Variants in SMG6 observed in about 807,000 individuals in gnomAD.
The protein encoded by SMG6 is SMG6 nonsense mediated mRNA decay factor, also known as telomerase-binding protein EST1A.
In SMG6, 66 loss-of-function variants were observed where a neutral mutation model predicts 142.2. The ratio of observed to expected loss-of-function variants is 0.46; its 90% CI spans 0.38 to 0.57. The LOEUF (loss-of-function observed/expected upper bound fraction) is 0.57. SMG6 is among the 20% of genes least tolerant of loss of function. SMG6 has a pLI of 0.00. For missense variants in SMG6, 1,793 were observed against 1,832.0 expected (o/e 0.98, Z 0.39); for synonymous variants, 779 against 702.4 (o/e 1.11, Z -1.72).
intron 18 of SMG6, 121 bp from the exon 19 acceptor site, chr17:2,061,743 C>T: frequency 8.7e-7 from 1 of 1,155,770 alleles, no homozygotes; most frequent in South Asian, 1.5e-5. Context: ...TGTCTTGGCT[C>T]TTCTACCAGT....
At chr17:2,278,967 A>T (rs1376174261) in intron 8 of SMG6, among the ~76,000 whole-genome samples, 1 of 152,148 alleles carries the variant, frequency 6.6e-6, no homozygotes, top group African/African-American at 2.4e-5. Context: ...AGAATCTTCC[A>T]TATGCAGACA....
chr17:2,089,223 A>T (rs577219971), intron 13 of SMG6, among the ~76,000 whole-genome samples: 1 of 152,292 alleles, frequency 6.6e-6, no homozygotes, highest in East Asian at 1.9e-4. Context: ...TGGCATGTAT[A>T]TCGCAGCTCT....
chr17:2,303,752 CCG>C lies in SMG6; in HGVS notation c.-34_-33del. 6.8e-7 allele frequency: 1 copy of C among 1,474,144 alleles called. No homozygotes were observed. The highest frequency in any genetic ancestry group is 9.0e-7 in the Non-Finnish European group (1 of 1,115,590). 91.3% of individuals were successfully genotyped at this position (1,474,144 alleles called of 1,614,324 possible). A position where few individuals can be genotyped will look rare whatever the true frequency, so the allele number is the denominator to read the frequency against. ...GGCTGCTGCTACAGCCGTAGCGGCT[CCG>C]CCACCGCCGCGCGCAGCCAGGAAAC... On this transcript the variant is annotated 5_prime_UTR_variant, in exon 1 of 19. Transcript: ENST00000263073.
chr17:2,192,803 T>C (rs1306687754), intron 10 of SMG6, among the ~76,000 whole-genome samples: 1 of 152,080 alleles, frequency 6.6e-6, no homozygotes, highest in African/African-American at 2.4e-5. Context: ...AGCCACAGAG[T>C]TCCCCGTGGC....
At chr17:2,106,151 A>T (rs2069149558) in intron 13 of SMG6, among the ~76,000 whole-genome samples, 1 of 152,168 alleles carries the variant, frequency 6.6e-6, no homozygotes, top group Non-Finnish European at 1.5e-5. Flanking sequence ...GGAGATACTG[A>T]TTTCTGATTG....
intron 13 of SMG6, among the ~76,000 whole-genome samples, chr17:2,140,956 T>A (rs1314400048): frequency 2.6e-5 from 4 of 152,160 alleles, no homozygotes; most frequent in African/African-American, 7.2e-5. Context: ...AAGGCTGAGG[T>A]AGGGCCTAAA....
chr17:2,112,226 C>T (rs898866714), intron 13 of SMG6, among the ~76,000 whole-genome samples: 8 of 151,782 alleles, frequency 5.3e-5, no homozygotes, highest in Non-Finnish European at 7.4e-5. Flanking sequence ...AAAAGTCGGC[C>T]GGGCGCGGTG....
At chr17:2,166,315 G>A (rs1454194149) in intron 13 of SMG6, among the ~76,000 whole-genome samples, 3 of 152,038 alleles carry the variant, frequency 2.0e-5, no homozygotes, top group South Asian at 2.1e-4. Flanking sequence ...GCATCAAATC[G>A]TAGAAACTAG....
chr17:2,259,920 G>A (rs1331587645), intron 8 of SMG6, among the ~76,000 whole-genome samples: 1 of 152,062 alleles, frequency 6.6e-6, no homozygotes, highest in Non-Finnish European at 1.5e-5. Context: ...ACTCTGCTGT[G>A]GTTATTTGCC....
intron 13 of SMG6, among the ~76,000 whole-genome samples, chr17:2,148,412 C>T (rs182053714): frequency 9.8e-5 from 15 of 152,300 alleles, no homozygotes; most frequent in Non-Finnish European, 1.9e-4. Flanking sequence ...ATGCATACAA[C>T]AGAATATTAT....
At chr17:2,298,148 C>T in intron 2 of SMG6, 93 bp from the exon 3 acceptor site, 1 of 1,182,678 alleles carries the variant, frequency 8.5e-7, no homozygotes. Context: ...ACCACCTCCC[C>T]TGGCAGGAAA....
intron 13 of SMG6, among the ~76,000 whole-genome samples, chr17:2,112,339 C>G (rs1037655845): frequency 2.0e-5 from 3 of 151,206 alleles, no homozygotes; most frequent in Non-Finnish European, 2.9e-5. Context: ...CCCGTCTCTA[C>G]TAAAAATACA....
At chr17:2,249,773 T>G (rs914617159) in intron 8 of SMG6, among the ~76,000 whole-genome samples, 3 of 152,206 alleles carry the variant, frequency 2.0e-5, no homozygotes, top group African/African-American at 7.2e-5. Flanking sequence ...CTTGGGTGTA[T>G]CCCTGAGAGG....
intron 6 of SMG6, among the ~76,000 whole-genome samples, chr17:2,286,949 T>TG (rs2074918890): frequency 1.0e-5 from 1 of 97,294 alleles, no homozygotes; most frequent in Admixed American, 1.0e-4. Context: ...TTTTTTTTTT[T>TG]GAGACAGAGT....
At chr17:2,204,833 C>T (rs141741872) in intron 10 of SMG6, among the ~76,000 whole-genome samples, 3 of 152,146 alleles carry the variant, frequency 2.0e-5, no homozygotes, top group East Asian at 3.9e-4. Context: ...CGTAGTGGCA[C>T]GTGCCTATAA....
intron 10 of SMG6, among the ~76,000 whole-genome samples, chr17:2,215,214 C>CAA: frequency 6.6e-6 from 1 of 151,484 alleles, no homozygotes; most frequent in South Asian, 2.1e-4. Context: ...ACATTATAAA[C>CAA]ACACACACAC....
chr17:2,105,178 C>T (rs1362266941), intron 13 of SMG6, among the ~76,000 whole-genome samples: 2 of 150,644 alleles, frequency 1.3e-5, no homozygotes, highest in Non-Finnish European at 3.0e-5. Context: ...CCTCCCGCCT[C>T]GACCTCCCAA....
chr17:2,211,618 C>T (rs1048127704), intron 10 of SMG6, among the ~76,000 whole-genome samples: 16 of 146,398 alleles, frequency 1.1e-4, no homozygotes, highest in African/African-American at 4.1e-4. Context: ...GAGCCGAGAT[C>T]GTGCCAGGGC....
intron 10 of SMG6, among the ~76,000 whole-genome samples, chr17:2,231,812 C>T (rs577348633): frequency 1.3e-4 from 19 of 151,550 alleles, no homozygotes; most frequent in African/African-American, 4.1e-4. Flanking sequence ...ACCAATAGCA[C>T]GTGCAAGAAG....
Sources: gnomAD v4.1 joint callset for allele counts (sites outside exome capture counted in the v4.1 genomes callset) on GRCh38, gnomAD v4.1.1 for gene constraint, MANE v1.5 for transcripts, NCBI Gene and HGNC (gene_info 2026-07-23, HGNC 2026-07-21) for gene names.